The following PRKCA variants were observed in gnomAD, a reference collection of about 807,000 sequenced individuals.
PRKCA encodes protein kinase C alpha type.
A neutral mutation model predicts 87.0 loss-of-function variants in PRKCA; 27 were observed. That is an observed-to-expected ratio of 0.31 (90% confidence interval 0.23 to 0.43). PRKCA has a LOEUF of 0.43. Ranked by LOEUF, PRKCA falls within the 20% of genes least tolerant of loss-of-function variation. The pLI, the probability that PRKCA is intolerant of heterozygous loss-of-function variation, is 1.00. For synonymous variants in PRKCA, 329 were observed against 311.1 expected, an observed-to-expected ratio of 1.06 and a Z score of -0.61; for missense variants, 518 against 852.3, an observed-to-expected ratio of 0.61 and a Z score of 4.88.
intron 5 of PRKCA, among the ~76,000 whole-genome samples, chr17:66,666,378 C>T (rs1441544884): frequency 6.6e-6 from 1 of 152,202 alleles, no homozygotes; most frequent in Non-Finnish European, 1.5e-5. Context: ...TTAGATGCCG[C>T]TCCTTGGACC....
intron 13 of PRKCA, among the ~76,000 whole-genome samples, chr17:66,758,233 G>T (rs1261887937): frequency 6.6e-6 from 1 of 152,164 alleles, no homozygotes; most frequent in African/African-American, 2.4e-5. Context: ...AAATTTTTGT[G>T]CTCTGAGCAC....
At chr17:66,732,938 T>TC in intron 9 of PRKCA, 113 bp downstream of exon 9, 1 of 1,332,686 alleles carries the variant, frequency 7.5e-7, no homozygotes, top group Non-Finnish European at 1.0e-6. Flanking sequence ...TGATTCAAGG[T>TC]CAGGAGATCA....
chr17:66,524,736 G>A (rs1967287118), intron 3 of PRKCA, among the ~76,000 whole-genome samples: 1 of 152,130 alleles, frequency 6.6e-6, no homozygotes, highest in Non-Finnish European at 1.5e-5. Context: ...CAGTGCCATT[G>A]GCCTGGAAGG....
chr17:66,714,840 C>G (rs1029176693), intron 8 of PRKCA, among the ~76,000 whole-genome samples: 6 of 152,342 alleles, frequency 3.9e-5, no homozygotes, highest in South Asian at 4.1e-4. Flanking sequence ...CTGCCTGACA[C>G]AGAGGGCCCA....
chr17:66,449,248 C>T (rs1914191549), intron 2 of PRKCA, among the ~76,000 whole-genome samples: 1 of 152,006 alleles, frequency 6.6e-6, no homozygotes, highest in Admixed American at 6.6e-5. Context: ...GCGATAGCAC[C>T]ACTGCACTCC....
intron 8 of PRKCA, among the ~76,000 whole-genome samples, chr17:66,721,758 T>C (rs553871451): frequency 3.3e-5 from 5 of 152,286 alleles, no homozygotes; most frequent in African/African-American, 1.2e-4. Context: ...CTGCATCCTG[T>C]TTTATCATGA....
chr17:66,578,170 T>A (rs913967088), intron 3 of PRKCA, among the ~76,000 whole-genome samples: 2 of 151,800 alleles, frequency 1.3e-5, no homozygotes, highest in South Asian at 2.1e-4. Context: ...CAGCCCTCAT[T>A]GTCTCCCTTT....
At chr17:66,755,765 T>C (rs1020929826) in intron 13 of PRKCA, among the ~76,000 whole-genome samples, 1 of 152,154 alleles carries the variant, frequency 6.6e-6, no homozygotes, top group African/African-American at 2.4e-5. Flanking sequence ...AAAGCTGGAC[T>C]GGAAAATCAA....
At chr17:66,781,887 A>ATATATATATATATAGTGT (rs767300220) in intron 14 of PRKCA, among the ~76,000 whole-genome samples, 4 of 125,542 alleles carry the variant, frequency 3.2e-5, no homozygotes, top group African/African-American at 9.5e-5. Flanking sequence ...ATATATATAT[A>ATATATATATATATAGTGT]GTGTGTGTGT....
At chr17:66,552,773 C>T (rs541333822) in intron 3 of PRKCA, among the ~76,000 whole-genome samples, 1 of 152,218 alleles carries the variant, frequency 6.6e-6, no homozygotes, top group East Asian at 1.9e-4. Context: ...AGCCCACACT[C>T]AAGGAGAGAC....
At chr17:66,517,959 G>C (rs1165025551) in intron 3 of PRKCA, among the ~76,000 whole-genome samples, 2 of 152,058 alleles carry the variant, frequency 1.3e-5, no homozygotes, top group Admixed American at 6.5e-5. Context: ...GTTCCCTTTT[G>C]CTTATTGAAA....
At chr17:66,332,828 A>G (rs998455500) in intron 2 of PRKCA, among the ~76,000 whole-genome samples, 3 of 151,728 alleles carry the variant, frequency 2.0e-5, no homozygotes, top group African/African-American at 7.3e-5. Flanking sequence ...AGTAGCTGGG[A>G]CTACAGGTGC....
intron 2 of PRKCA, among the ~76,000 whole-genome samples, chr17:66,308,775 C>T (rs1423836911): frequency 6.6e-6 from 1 of 152,108 alleles, no homozygotes; most frequent in Non-Finnish European, 1.5e-5. Flanking sequence ...CTTTTAATCC[C>T]ACAAATATAG....
chr17:66,441,344 C>CAA (rs141623507), intron 2 of PRKCA, among the ~76,000 whole-genome samples: 7,304 of 140,196 alleles, frequency 0.052, 246 homozygotes, highest in Non-Finnish European at 0.08. Context: ...GCCCTGTTTC[C>CAA]AAAAAAAAAA....
intron 2 of PRKCA, among the ~76,000 whole-genome samples, chr17:66,438,264 A>G (rs1913520330): frequency 6.6e-6 from 1 of 152,168 alleles, no homozygotes; most frequent in Admixed American, 6.5e-5. Flanking sequence ...GTATTCTTTC[A>G]GTTCCTCTAT....
chr17:66,731,990 A>G (rs953262471), intron 8 of PRKCA, among the ~76,000 whole-genome samples: 7 of 150,594 alleles, frequency 4.6e-5, no homozygotes, highest in Non-Finnish European at 1.0e-4. Flanking sequence ...GGGTTTCACC[A>G]TGTTGGCCAG....
chr17:66,445,221 G>T (rs868842764), intron 2 of PRKCA, among the ~76,000 whole-genome samples: 4 of 152,212 alleles, frequency 2.6e-5, no homozygotes, highest in Non-Finnish European at 5.9e-5. Context: ...GCTCTCTGTG[G>T]TTTAATGGAG....
At chr17:66,376,158 T>G (rs1010138976) in intron 2 of PRKCA, among the ~76,000 whole-genome samples, 1 of 152,162 alleles carries the variant, frequency 6.6e-6, no homozygotes, top group African/African-American at 2.4e-5. Context: ...TGAAGCCGGC[T>G]GCATCAGAAT....
chr17:66,574,506 C>A (rs963960136), intron 3 of PRKCA, among the ~76,000 whole-genome samples: 2 of 152,164 alleles, frequency 1.3e-5, no homozygotes, highest in African/African-American at 4.8e-5. Flanking sequence ...GCAGTTGTCA[C>A]CCCTTCTCTG....
Sources: allele counts gnomAD v4.1 joint callset (sites outside exome capture counted in the v4.1 genomes callset), GRCh38; gene constraint gnomAD v4.1.1; transcripts MANE v1.5; gene names NCBI Gene and HGNC (gene_info 2026-07-23, HGNC 2026-07-21).